The following DLG2 variants were observed in gnomAD, a reference collection of about 807,000 sequenced individuals.
The protein encoded by DLG2 is disks large homolog 2.
A neutral mutation model predicts 132.5 loss-of-function variants in DLG2; 45 were observed. The observed-to-expected ratio is 0.34, with a 90% CI of 0.27 to 0.44. The LOEUF (loss-of-function observed/expected upper bound fraction) is 0.44. DLG2 is among the 20% of genes least tolerant of loss of function. The pLI, the probability that DLG2 is intolerant of heterozygous loss-of-function variation, is 1.00. For synonymous variants in DLG2, 424 were observed against 419.6 expected (o/e 1.01, Z -0.13); for missense variants, 1,045 against 1,196.9 (o/e 0.87, Z 1.87).
chr11:85,400,467 A>G (rs1385055421), intron 3 of DLG2, among the ~76,000 whole-genome samples: 1 of 149,188 alleles, frequency 6.7e-6, no homozygotes, highest in Middle Eastern at 3.2e-3. Flanking sequence ...ATGCTGCTAT[A>G]AAGACACATG....
chr11:84,193,422 C>T lies in DLG2; in HGVS notation c.574-29911G>A, dbSNP rs77623966. On this transcript the variant is annotated intron_variant, in intron 8 of 27. Coordinates refer to ENST00000376104, the MANE Select transcript of DLG2 (RefSeq NM_001142699.3). ...TGATAATTAAAACAGGAACTCTGGA[C>T]CCGACAGTAAGGGTTAAATGAGTCA... 2.0e-5 allele frequency among the ~76,000 whole-genome samples: 3 copies of T among 152,200 alleles called. No individual in the cohort carries two copies. The East Asian group carries it at 5.8e-4, about 29-fold the overall frequency.
intron 6 of DLG2, among the ~76,000 whole-genome samples, chr11:85,023,981 C>A (rs2060299550): frequency 6.6e-6 from 1 of 152,056 alleles, no homozygotes; most frequent in Non-Finnish European, 1.5e-5. Context: ...TTGGCCACCC[C>A]ACTGTTTTCA....
intron 18 of DLG2, among the ~76,000 whole-genome samples, chr11:83,754,277 C>A (rs1188176689): frequency 6.6e-6 from 1 of 151,030 alleles, no homozygotes; most frequent in East Asian, 1.9e-4. Flanking sequence ...GTTTCTAACA[C>A]TAACTTTTTA....
intron 18 of DLG2, among the ~76,000 whole-genome samples, chr11:83,742,888 C>A (rs1405354405): frequency 6.6e-6 from 1 of 152,088 alleles, no homozygotes; most frequent in Non-Finnish European, 1.5e-5. Flanking sequence ...GCATTAGACA[C>A]CCAGAAGTTA....
intron 21 of DLG2, among the ~76,000 whole-genome samples, chr11:83,514,090 A>G (rs1183005338): frequency 6.6e-6 from 1 of 152,054 alleles, no homozygotes; most frequent in Non-Finnish European, 1.5e-5. Flanking sequence ...CTTGATGGGG[A>G]TGGCATTGAA....
intron 4 of DLG2, among the ~76,000 whole-genome samples, chr11:85,192,387 A>G (rs1012038147): frequency 6.6e-5 from 10 of 152,226 alleles, no homozygotes; most frequent in African/African-American, 2.4e-4. Flanking sequence ...GGACTGTGAC[A>G]TAGAGATAGT....
At chr11:84,463,689 G>A (rs1310022133) in intron 7 of DLG2, among the ~76,000 whole-genome samples, 1 of 151,170 alleles carries the variant, frequency 6.6e-6, no homozygotes, top group Non-Finnish European at 1.5e-5. Flanking sequence ...ACTCATCTCT[G>A]TATCCTCAGG....
chr11:84,983,125 A>G (rs2055997035), intron 6 of DLG2, among the ~76,000 whole-genome samples: 1 of 152,192 alleles, frequency 6.6e-6, no homozygotes, highest in Non-Finnish European at 1.5e-5. Flanking sequence ...TCACGGATGG[A>G]CAGAGCAGTG....
chr11:84,360,003 T>C (rs2098640355), intron 7 of DLG2, among the ~76,000 whole-genome samples: 1 of 151,906 alleles, frequency 6.6e-6, no homozygotes, highest in Non-Finnish European at 1.5e-5. Flanking sequence ...ATGCAATTGG[T>C]AGCTTAGTAA....
intron 10 of DLG2, among the ~76,000 whole-genome samples, chr11:84,064,939 A>C (rs957701562): frequency 3.9e-5 from 6 of 152,168 alleles, no homozygotes; most frequent in Non-Finnish European, 8.8e-5. Context: ...TCTGATTTTC[A>C]ACAACATTGA....
intron 3 of DLG2, among the ~76,000 whole-genome samples, chr11:85,369,153 G>A (rs925943159): frequency 2.0e-5 from 3 of 152,140 alleles, no homozygotes; most frequent in Non-Finnish European, 2.9e-5. Context: ...ACTCTTGGGG[G>A]TCGGAGGAAA....
chr11:85,592,892 G>T (rs1730136129), intron 3 of DLG2, among the ~76,000 whole-genome samples: 1 of 151,618 alleles, frequency 6.6e-6, no homozygotes, highest in South Asian at 2.1e-4. Flanking sequence ...AGCAGAGGTT[G>T]CAGTGAGCTG....
rs536910721 is a variant in DLG2 at position 83,995,510 on chromosome 11, A to G, written c.920-14868T>C. Reference sequence around the variant, plus strand: ...TAATACTTGCTGTTGTTTAAAAAATACATCAAGCTATCCTAAGAAAAAAAG... The same window carrying G: ...TAATACTTGCTGTTGTTTAAAAAATGCATCAAGCTATCCTAAGAAAAAAAG... On this transcript the variant is annotated intron_variant, in intron 11 of 27. Transcript: ENST00000376104. 5.9e-5 allele frequency among the ~76,000 whole-genome samples: 9 copies of G among 152,244 alleles called. No homozygotes were observed. In the South Asian group the frequency reaches 1.7e-3, roughly 28 times the overall value.
chr11:85,259,079 TG>T (rs1444972998), intron 4 of DLG2, among the ~76,000 whole-genome samples: 1 of 152,122 alleles, frequency 6.6e-6, no homozygotes, highest in Non-Finnish European at 1.5e-5. Flanking sequence ...ATGGTTTGGT[TG>T]TATGTCCCCA....
intron 7 of DLG2, among the ~76,000 whole-genome samples, chr11:84,296,887 C>T (rs770658911): frequency 2.4e-4 from 37 of 152,066 alleles, no homozygotes; most frequent in Non-Finnish European, 3.4e-4. Flanking sequence ...GGATATACAT[C>T]ATCCACTGTA....
intron 9 of DLG2, among the ~76,000 whole-genome samples, chr11:84,118,999 A>G (rs2093774946): frequency 6.6e-6 from 1 of 152,176 alleles, no homozygotes; most frequent in African/African-American, 2.4e-5. Flanking sequence ...AATATCTGCC[A>G]CATTACAATA....
chr11:83,539,438 T>C (rs547958023), intron 20 of DLG2, among the ~76,000 whole-genome samples: 38 of 152,238 alleles, frequency 2.5e-4, no homozygotes, highest in African/African-American at 7.7e-4. Flanking sequence ...TAAATGTACG[T>C]TTTTAAATTA....
intron 6 of DLG2, among the ~76,000 whole-genome samples, chr11:84,745,861 A>G (rs1426657555): frequency 3.9e-5 from 6 of 152,236 alleles, no homozygotes; most frequent in Admixed American, 6.5e-5. Context: ...CATTTAATAA[A>G]TATTCCCATT....
At chr11:85,166,122 C>T (rs550593036) in intron 4 of DLG2, among the ~76,000 whole-genome samples, 18 of 152,236 alleles carry the variant, frequency 1.2e-4, no homozygotes, top group African/African-American at 4.1e-4. Flanking sequence ...TGACCTCTTC[C>T]TCCTTCTTGA....
Sources: gnomAD v4.1 joint callset for allele counts (sites outside exome capture counted in the v4.1 genomes callset) on GRCh38, gnomAD v4.1.1 for gene constraint, MANE v1.5 for transcripts, NCBI Gene and HGNC (gene_info 2026-07-23, HGNC 2026-07-21) for gene names.